The following ATP1A4 variants were observed in gnomAD, a reference collection of about 807,000 sequenced individuals.
ATP1A4 encodes sodium/potassium-transporting ATPase subunit alpha-4.
In ATP1A4, 90 loss-of-function variants were observed where a neutral mutation model predicts 114.3. The observed-to-expected ratio is 0.79, with a 90% CI of 0.66 to 0.94. ATP1A4 has a LOEUF of 0.94. ATP1A4 is among the 40% of genes least tolerant of loss of function. ATP1A4 has a pLI of 0.00. For synonymous variants in ATP1A4, 511 were observed against 494.1 expected (o/e 1.03, Z -0.45); for missense variants, 1,222 against 1,313.6 (o/e 0.93, Z 1.08).
chr1:160,155,919 G>C, intron 3 of ATP1A4, 126 bp from the exon 4 acceptor site: 1 of 639,886 alleles, frequency 1.6e-6, no homozygotes, highest in Non-Finnish European at 2.9e-6. Flanking sequence ...CTACCCCTCT[G>C]CTCTCAACTC....
chr1:160,169,674 C>CTA (rs1653170872), intron 10 of ATP1A4: 1 of 152,204 alleles, frequency 6.6e-6, no homozygotes, highest in African/African-American at 2.4e-5. Flanking sequence ...TCTCAACAGG[C>CTA]GACCTAGCGG....
chr1:160,176,107 A>G lies in ATP1A4; in HGVS notation c.2327A>G (p.Asp776Gly). Residue 776 changes from aspartate (D) to glycine (G), a missense_variant, in exon 16 of 22, where the codon GAC becomes GGC. Coordinates refer to ENST00000368081, the MANE Select transcript of ATP1A4 (RefSeq NM_144699.4). ...TCCTCCCCAGGCCGCCTGATCTTTG[A>G]CAACCTGAAGAAATCCATCATGTAC... ...TGVEEGRLIFDNLKKSIMYTL... is the reference protein window; with the variant it reads ...TGVEEGRLIFGNLKKSIMYTL... 6.2e-7 allele frequency: 1 copy of G among 1,613,964 alleles called. No homozygotes were observed. Among genetic ancestry groups the G allele is most frequent in the South Asian group, 1.1e-5 (1 of 91,060 alleles).
chr1:160,167,354 TGA>T lies in ATP1A4; in HGVS notation c.1440_1441del (p.Asn482ProfsTer9). ...CAGTCTTACAGCTCTGTGGCGGAGA[TGA>T]GAGAGAAAAACCCCAAGGTGGCAGA... On this transcript the variant is annotated frameshift_variant, in exon 10 of 22. Coordinates refer to ENST00000368081, the MANE Select transcript of ATP1A4 (RefSeq NM_144699.4). LOFTEE classifies it high-confidence loss of function. The T allele has an allele frequency of 6.2e-7, 1 of 1,611,972 alleles. No individual in the cohort carries two copies. Among genetic ancestry groups the T allele is most frequent in the Non-Finnish European group, 8.5e-7 (1 of 1,179,528 alleles).
At chr1:160,155,323 C>T (rs894871221) in intron 3 of ATP1A4, 75 bp downstream of exon 3, 6 of 1,276,466 alleles carry the variant, frequency 4.7e-6, no homozygotes, top group African/African-American at 2.9e-5. Context: ...AGCAGCCTAG[C>T]ACTCCTGAAG....
intron 17 of ATP1A4, 60 bp downstream of exon 17, chr1:160,176,662 G>C: frequency 1.3e-6 from 2 of 1,593,008 alleles, no homozygotes; most frequent in Non-Finnish European, 1.7e-6. Context: ...GCCTGGCAAC[G>C]TGAGCCATCT....
intron 20 of ATP1A4, among the ~76,000 whole-genome samples, chr1:160,184,104 C>G (rs1653801653): frequency 1.3e-5 from 2 of 152,090 alleles, no homozygotes; most frequent in South Asian, 4.1e-4. Context: ...AGGCACGCGT[C>G]ACCACACCCA....
chr1:160,178,508 C>G (rs531411254), intron 18 of ATP1A4, among the ~76,000 whole-genome samples: 1 of 152,006 alleles, frequency 6.6e-6, no homozygotes, highest in African/African-American at 2.4e-5. Context: ...AACCCCATCT[C>G]TACTAAAAAT....
chr1:160,167,276 A>G lies in ATP1A4; in HGVS notation c.1357-2A>G, dbSNP rs985700256. 3.1e-6 allele frequency: 5 copies of G among 1,601,030 alleles called. No homozygotes were observed. The highest frequency in any genetic ancestry group is 2.2e-5 in the South Asian group (2 of 89,736). ...CTTACTATACAAACCCCATCCTGGC[A>G]GAGGGCCACAACAGGTGATGCTTCC... On this transcript the variant is annotated splice_acceptor_variant, in intron 9 of 21. Transcript: ENST00000368081. LOFTEE classifies it high-confidence loss of function.
chr1:160,159,643 C>T, intron 6 of ATP1A4, 117 bp downstream of exon 6: 2 of 844,700 alleles, frequency 2.4e-6, no homozygotes, highest in Non-Finnish European at 3.7e-6. Context: ...AGTCGAGCTT[C>T]TCCATCACGA....
chr1:160,156,538 G>A (rs1291744921), intron 4 of ATP1A4, among the ~76,000 whole-genome samples: 1 of 152,048 alleles, frequency 6.6e-6, no homozygotes, highest in African/African-American at 2.4e-5. Flanking sequence ...ACAGCTGTGG[G>A]GATGTTCCAG....
intron 15 of ATP1A4, 65 bp from the exon 16 acceptor site, chr1:160,176,027 G>T: frequency 6.4e-7 from 1 of 1,561,728 alleles, no homozygotes; most frequent in East Asian, 2.2e-5. Flanking sequence ...TGTCTGTCCC[G>T]GAGCTGGTTT....
At chr1:160,171,470 G>C in intron 11 of ATP1A4, 30 bp downstream of exon 11, 2 of 1,609,926 alleles carry the variant, frequency 1.2e-6, no homozygotes, top group Non-Finnish European at 1.7e-6. Flanking sequence ...GTTTTTAAAA[G>C]AATGGCATCA....
rs780165144 is a variant in ATP1A4, at chr1:160,153,219, A to G, written c.202A>G (p.Thr68Ala). 2 of 1,613,728 alleles carry G rather than the reference A, an allele frequency of 1.2e-6. No individual in the cohort carries two copies. Among genetic ancestry groups the G allele is most frequent in the African/African-American group, 1.3e-5 (1 of 75,032 alleles). The change falls in exon 2 of 22, where the codon ACA becomes GCA. Residue 68 changes from threonine (T) to alanine (A), a missense_variant. Thr to Ala is a moderately conservative substitution (Grantham distance 58, BLOSUM62 0). Transcript: ENST00000368081. Reference sequence around the variant, plus strand: ...GAGCACCAAGTACTCCGTGGACCTGACAAAGGTGAGTAAGAAGCTCCCTGA... The same window carrying G: ...GAGCACCAAGTACTCCGTGGACCTGGCAAAGGTGAGTAAGAAGCTCCCTGA... The part of the protein sequence containing the change: ...ELSTKYSVDL[T>A]KGHSHQRAKE...
chr1:160,158,512 G>A (rs1035003314), intron 4 of ATP1A4, among the ~76,000 whole-genome samples: 9 of 151,972 alleles, frequency 5.9e-5, no homozygotes, highest in South Asian at 4.2e-4. Flanking sequence ...AAACAGCTGG[G>A]ACTACAGGTG....
At chr1:160,170,367 G>T (rs1558022953) in intron 10 of ATP1A4, 1 of 152,324 alleles carries the variant, frequency 6.6e-6, no homozygotes. Flanking sequence ...AGAGGTTGCA[G>T]TGAGCTGAGA....
At position 160,174,261 on chromosome 1, in the gene ATP1A4, G is replaced by T. The variant is rs760117234; in HGVS notation, c.2142G>T (p.Leu714=). ...KLIIVEGCQR[L]GAVVAVTGDG... ...TCATTGTCGAGGGATGTCAGAGGCT[G>T]GTAAGGAACGAAAAGGAGCCCCAAG... is the stretch of plus-strand genomic sequence containing the variant. Residue 714 remains leucine, a splice_region_variant and synonymous_variant, in exon 14 of 22, where the codon CTG becomes CTT. Transcript: ENST00000368081. 1 of 1,614,050 alleles carries T rather than the reference G, an allele frequency of 6.2e-7. No individual in the cohort carries two copies.
rs768310313 is a variant in ATP1A4 at position 160,164,204 on chromosome 1, G to A, written c.827G>A (p.Gly276Asp). ...GCTACGGGAGACTCCACAGTGATGG[G>A]CAGAATTGCCTCCCTGACGTCAGGC... The part of the protein sequence containing the change: ...VIATGDSTVM[G>D]RIASLTSGLA... The change falls in exon 7 of 22, where the codon GGC (glycine) becomes GAC (aspartate). Residue 276 changes from glycine to aspartate, a missense_variant. Coordinates refer to ENST00000368081, the MANE Select transcript of ATP1A4 (RefSeq NM_144699.4). The A allele has an allele frequency of 6.2e-7, 1 of 1,614,208 alleles. No homozygotes were observed. Among genetic ancestry groups the A allele is most frequent in the Non-Finnish European group, 8.5e-7 (1 of 1,180,030 alleles).
chr1:160,181,372 G>C (rs1653694407), intron 18 of ATP1A4, among the ~76,000 whole-genome samples: 1 of 151,986 alleles, frequency 6.6e-6, no homozygotes, highest in Non-Finnish European at 1.5e-5. Context: ...GGCCAATATG[G>C]TGAAACCCCG....
intron 15 of ATP1A4, among the ~76,000 whole-genome samples, chr1:160,175,810 A>G (rs1332975705): frequency 6.6e-6 from 1 of 152,162 alleles, no homozygotes; most frequent in Non-Finnish European, 1.5e-5. Context: ...TTATACTGAC[A>G]TTCTCAAACA....
Sources: gnomAD v4.1 joint callset for allele counts (sites outside exome capture counted in the v4.1 genomes callset) on GRCh38, gnomAD v4.1.1 for gene constraint, MANE v1.5 for transcripts, NCBI Gene and HGNC (gene_info 2026-07-23, HGNC 2026-07-21) for gene names.